The following LRP1 variants were observed in gnomAD, a reference collection of about 807,000 sequenced individuals.
The protein encoded by LRP1 is prolow-density lipoprotein receptor-related protein 1.
Under a neutral mutation model 541.5 loss-of-function variants are expected in LRP1, and 51 were observed. That is an observed-to-expected ratio of 0.09 (90% CI 0.08 to 0.12). The LOEUF is 0.12. Ranked by LOEUF, LRP1 falls within the 10% of genes least tolerant of loss-of-function variation. The pLI, the probability that LRP1 is intolerant of heterozygous loss-of-function variation, is 1.00. For synonymous variants in LRP1, 2,219 were observed against 2,470.8 expected, an observed-to-expected ratio of 0.90 and a Z score of 3.02; for missense variants, 3,878 against 6,376.2, an observed-to-expected ratio of 0.61 and a Z score of 13.34.
In LRP1 at chr12:57,198,172, G is replaced by C. The variant is rs1398476786; in HGVS notation, c.9299G>C (p.Gly3100Ala). Residue 3100 changes from glycine to alanine, a missense_variant, in exon 59 of 89, where the codon GGC (glycine) becomes GCC (alanine). Gly to Ala is a moderately conservative substitution (Grantham distance 60). This residue lies in a region of LRP1 where 1,100 missense variants were observed against 1,827.4 expected (regional missense o/e 0.60). Coordinates refer to ENST00000243077, the MANE Select transcript of LRP1 (RefSeq NM_002332.3). The stretch of plus-strand genomic sequence containing the variant: ...TTCCTGCAGGTCCTACACCGTACAG[G>C]CCTCAGCAACCCCGATGGGCTGGCT... ...GSNVQVLHRT[G>A]LSNPDGLAVD... 1 of 1,612,128 alleles carries C rather than the reference G, an allele frequency of 6.2e-7. No individual in the cohort carries two copies. The highest frequency in any genetic ancestry group is 1.3e-5 in the African/African-American group (1 of 74,886).
intron 62 of LRP1, 55 bp downstream of exon 62, chr12:57,200,080 C>A: frequency 1.4e-6 from 2 of 1,457,974 alleles, no homozygotes; most frequent in Non-Finnish European, 9.3e-7. Flanking sequence ...CCCCCAAATC[C>A]TCCTTGGACC....
In LRP1 at chr12:57,194,975, A is replaced by G. The variant is rs1310796246; in HGVS notation, c.8192-10A>G. On this transcript the variant is annotated splice_polypyrimidine_tract_variant and intron_variant, in intron 50 of 88. Transcript: ENST00000243077. Reference sequence around the variant, plus strand: ...CTTCCCCATCTAACTGTGGCTTCTGACTGCCCCAGACAAGTTCTGCTCAGA... The same window carrying G: ...CTTCCCCATCTAACTGTGGCTTCTGGCTGCCCCAGACAAGTTCTGCTCAGA... 4 of 1,607,474 alleles carry G rather than the reference A, an allele frequency of 2.5e-6. No homozygotes were observed. Among genetic ancestry groups the G allele is most frequent in the Non-Finnish European group, 3.4e-6 (4 of 1,174,396 alleles).
At chr12:57,130,420 C>G (rs1052505113) in intron 1 of LRP1, among the ~76,000 whole-genome samples, 1 of 151,676 alleles carries the variant, frequency 6.6e-6, no homozygotes, top group African/African-American at 2.4e-5. Flanking sequence ...CTCTCTACCC[C>G]CCACCCCCAC....
At chr12:57,181,039 A>AC in intron 33 of LRP1, 118 bp from the exon 34 acceptor site, 1 of 1,329,168 alleles carries the variant, frequency 7.5e-7, no homozygotes, top group Non-Finnish European at 1.0e-6. Flanking sequence ...TAGGGTGGTG[A>AC]CCCCCATTAG....
chr12:57,152,799 G>A (rs1411567503), intron 6 of LRP1, among the ~76,000 whole-genome samples: 1 of 152,174 alleles, frequency 6.6e-6, no homozygotes, highest in East Asian at 1.9e-4. Flanking sequence ...CTAGTTTGAT[G>A]AAGCCCTCAG....
chr12:57,162,407 G>A lies in LRP1; in HGVS notation c.2293G>A (p.Val765Ile), dbSNP rs1188341591. The change falls in exon 14 of 89, where the codon GTC becomes ATC. Residue 765 changes from valine to isoleucine, a missense_variant. Around this residue, in one of 13 missense-constraint regions of LRP1, gnomAD observed 496 missense variants for 861.0 expected, o/e 0.58. Transcript: ENST00000243077. The surrounding 1 kb of genome is among the most constrained non-coding windows in gnomAD (Gnocchi z 5.2). The part of the protein sequence containing the change: ...LFWTEYRSGS[V>I]YRLERGVGGA... ...CTGGACTGAGTATCGGAGTGGCAGTGTCTACCGCTTGGAACGGGGTGTAGG... is the reference window on the plus strand; with the variant it reads ...CTGGACTGAGTATCGGAGTGGCAGTATCTACCGCTTGGAACGGGGTGTAGG... 6.2e-7 allele frequency: 1 copy of A among 1,614,172 alleles called. No individual in the cohort carries two copies. The highest frequency in any genetic ancestry group is 1.1e-5 in the South Asian group (1 of 91,080).
chr12:57,206,640 C>T lies in LRP1; in HGVS notation c.11758C>T (p.His3920Tyr). Residue 3920 changes from histidine to tyrosine, a missense_variant, in exon 76 of 89, where the codon CAC becomes TAC. Physicochemically the swap from His to Tyr is moderately conservative, Grantham distance 83. This residue lies in a region of LRP1 where 871 missense variants were observed against 1,212.4 expected (regional missense o/e 0.72). Coordinates refer to ENST00000243077, the MANE Select transcript of LRP1 (RefSeq NM_002332.3). The surrounding 1 kb of genome is among the most constrained non-coding windows in gnomAD (Gnocchi z 4.7). The part of the protein sequence containing the change: ...KAGRVYWTNW[H>Y]TGTISYRSLP... ...TGGCCGTGTCTATTGGACCAACTGG[C>T]ACACGGGCACCATCTCCTACCGCAG... is the stretch of plus-strand genomic sequence containing the variant. 6.2e-7 allele frequency: 1 copy of T among 1,614,110 alleles called. No homozygotes were observed. The highest frequency in any genetic ancestry group is 8.5e-7 in the Non-Finnish European group (1 of 1,180,050).
chr12:57,181,369 T>G lies in LRP1; in HGVS notation c.5662+78T>G. 6 of 1,506,144 alleles carry G rather than the reference T, an allele frequency of 4.0e-6. No individual in the cohort carries two copies. The South Asian group carries it at 6.4e-5, about 16-fold the overall frequency. 93.3% of individuals were successfully genotyped at this position (1,506,144 alleles called of 1,614,324 possible). On this transcript the variant is annotated intron_variant, in intron 34 of 88. Coordinates refer to ENST00000243077, the MANE Select transcript of LRP1 (RefSeq NM_002332.3). Reference sequence around the variant, plus strand: ...CTCCTACCCTACAGCCCCACCTTCCTCTTCTTACCTTGGGGACAAGACTAC... The same window carrying G: ...CTCCTACCCTACAGCCCCACCTTCCGCTTCTTACCTTGGGGACAAGACTAC...
In LRP1 at chr12:57,194,483, G is replaced by C. The variant is rs1193072373; in HGVS notation, c.8048G>C (p.Ser2683Thr). Residue 2683 changes from serine (S) to threonine (T), a missense_variant, in exon 49 of 89, where the codon AGT (serine) becomes ACT (threonine). Ser to Thr is a moderately conservative substitution (Grantham distance 58). Transcript: ENST00000243077. Reference protein sequence around the residue: ...CDGANDCGDYSDERDCPGVKR... With the variant: ...CDGANDCGDYTDERDCPGVKR... ...GGCGCCAATGACTGTGGGGACTACA[G>C]TGATGAGCGCGACTGCCCAGGTGGG... 1 of 1,601,522 alleles carries C rather than the reference G, an allele frequency of 6.2e-7. No individual in the cohort carries two copies. Among genetic ancestry groups the C allele is most frequent in the East Asian group, 2.2e-5 (1 of 44,652 alleles).
chr12:57,149,221 C>T (rs549507256), intron 6 of LRP1: 3 of 439,526 alleles, frequency 6.8e-6, no homozygotes, highest in African/African-American at 6.1e-5. Context: ...CTTTCTGACC[C>T]ATGGGATGCC....
Position 57,162,296 on chromosome 12 carries a change from T to C in LRP1, c.2203-21T>C, listed in dbSNP as rs748003337. ...CCTCAATTTTCTTCCAACTCCTTAG[T>C]AACATCCTCTCCATCCCTAGATTGT... On this transcript the variant is annotated intron_variant, in intron 13 of 88. Coordinates refer to ENST00000243077, the MANE Select transcript of LRP1 (RefSeq NM_002332.3). This position sits in a 1 kb window ranked among gnomAD's most constrained non-coding sequence, Gnocchi z 5.2. The C allele has an allele frequency of 6.2e-7, 1 of 1,608,830 alleles. No individual in the cohort carries two copies. The highest frequency in any genetic ancestry group is 8.5e-7 in the Non-Finnish European group (1 of 1,175,394).
Position 57,156,883 on chromosome 12 carries a change from C to A in LRP1, c.1524C>A (p.Ser508=), listed in dbSNP as rs144836356. ...AGGCGCGGACCTGCCGCTGCCGTTCCGGCTTCAGCCTGGGCAGTGACGGGA... is the reference window on the plus strand; with the variant it reads ...AGGCGCGGACCTGCCGCTGCCGTTCAGGCTTCAGCCTGGGCAGTGACGGGA... ...SHKARTCRCR[S]GFSLGSDGKS... is the part of the protein sequence containing the mutation. The change falls in exon 10 of 89, where the codon TCC becomes TCA. Residue 508 remains serine (S), a synonymous_variant. Coordinates refer to ENST00000243077, the MANE Select transcript of LRP1 (RefSeq NM_002332.3). This position sits in a 1 kb window ranked among gnomAD's most constrained non-coding sequence, Gnocchi z 5.2. 7 of 1,593,826 alleles carry A rather than the reference C, an allele frequency of 4.4e-6. No homozygotes were observed. The East Asian group carries it at 9.0e-5, about 20-fold the overall frequency.
chr12:57,137,750 T>A (rs1426741017), intron 1 of LRP1, among the ~76,000 whole-genome samples: 7 of 151,382 alleles, frequency 4.6e-5, no homozygotes, highest in Admixed American at 2.0e-4. Flanking sequence ...GAGCTGAGAT[T>A]GTGCCACTGC....
intron 22 of LRP1, 74 bp downstream of exon 22, chr12:57,174,054 G>A: frequency 6.8e-7 from 1 of 1,466,678 alleles, no homozygotes; most frequent in Non-Finnish European, 9.3e-7. Context: ...GTCTTTGGGG[G>A]ACCTGAGTCT....
chr12:57,197,444 T>G lies in LRP1; in HGVS notation c.9162+60T>G, dbSNP rs1324745993. Reference sequence around the variant, plus strand: ...CTCCCAGACCCAGCACAGCCTCCCTTGCAAGTCTCCCCGCTTAGGTCCAAC... The same window carrying G: ...CTCCCAGACCCAGCACAGCCTCCCTGGCAAGTCTCCCCGCTTAGGTCCAAC... On this transcript the variant is annotated intron_variant, in intron 57 of 88. Coordinates refer to ENST00000243077, the MANE Select transcript of LRP1 (RefSeq NM_002332.3). This position sits in a 1 kb window ranked among gnomAD's most constrained non-coding sequence, Gnocchi z 4.5. 9.9e-6 allele frequency: 16 copies of G among 1,610,268 alleles called. No individual in the cohort carries two copies. The highest frequency in any genetic ancestry group is 1.4e-5 in the Non-Finnish European group (16 of 1,177,330).
At position 57,208,064 on chromosome 12, in the gene LRP1, C is replaced by T; in HGVS notation, c.11886C>T (p.Gly3962=). ...TTTCAGGGCTGAAGATGCCCAGAGG[C>T]ATCGCCATCGACTGGGTGGCCGGAA... The part of the protein sequence containing the change: ...LNISGLKMPR[G]IAIDWVAGNV... The change falls in exon 77 of 89, where the codon GGC becomes GGT. Residue 3962 remains glycine, a synonymous_variant. Coordinates refer to ENST00000243077, the MANE Select transcript of LRP1 (RefSeq NM_002332.3). 6.2e-7 allele frequency: 1 copy of T among 1,614,126 alleles called. No homozygotes were observed. The highest frequency in any genetic ancestry group is 8.5e-7 in the Non-Finnish European group (1 of 1,180,022).
At position 57,184,907 on chromosome 12, in the gene LRP1, G is replaced by A; in HGVS notation, c.6255G>A (p.Glu2085=). The stretch of plus-strand genomic sequence containing the variant: ...AACGGATCGACCTGGAGACAGGTGA[G>A]AACCGCGAGGTGGTTCTGTCCAGCA... ...KIERIDLETG[E]NREVVLSSNN... is the part of the protein sequence containing the mutation. The change falls in exon 39 of 89, where the codon GAG becomes GAA. Residue 2085 remains glutamate, a synonymous_variant. Transcript: ENST00000243077. The surrounding 1 kb of genome is among the most constrained non-coding windows in gnomAD (Gnocchi z 7.8). The A allele has an allele frequency of 6.2e-7, 1 of 1,614,204 alleles. No homozygotes were observed. Among genetic ancestry groups the A allele is most frequent in the South Asian group, 1.1e-5 (1 of 91,090 alleles).
intron 68 of LRP1, 44 bp from the exon 69 acceptor site, chr12:57,203,137 C>A: frequency 7.1e-7 from 1 of 1,408,588 alleles, no homozygotes; most frequent in African/African-American, 1.4e-5. Context: ...GCCTGGAGTC[C>A]TTGTGCCCAC....
In LRP1 at chr12:57,200,043, A is replaced by G. The variant is rs779577110; in HGVS notation, c.10014+18A>G. 6.3e-7 allele frequency: 1 copy of G among 1,578,890 alleles called. No homozygotes were observed. The highest frequency in any genetic ancestry group is 1.2e-5 in the South Asian group (1 of 86,438). On this transcript the variant is annotated intron_variant, in intron 62 of 88. Coordinates refer to ENST00000243077, the MANE Select transcript of LRP1 (RefSeq NM_002332.3). Reference sequence around the variant, plus strand: ...CTAGCCAGGTGAGGCTGTCCCCCAGACCCCATCACCAGTGCCCGCTCCCCA... The same window carrying G: ...CTAGCCAGGTGAGGCTGTCCCCCAGGCCCCATCACCAGTGCCCGCTCCCCA...
Sources: gnomAD v4.1 joint callset for allele counts (sites outside exome capture counted in the v4.1 genomes callset) on GRCh38, gnomAD v4.1.1 for gene constraint, gnomAD v4.1.1 regional missense constraint, Gnocchi (gnomAD v3.1) non-coding constraint, MANE v1.5 for transcripts, NCBI Gene and HGNC (gene_info 2026-07-23, HGNC 2026-07-21) for gene names.